The following MCTP1 variants were observed in gnomAD, a reference collection of about 807,000 sequenced individuals.
The protein encoded by MCTP1 is multiple C2 and transmembrane domain containing 1.
In MCTP1, 69 loss-of-function variants were observed where a neutral mutation model predicts 120.6. The observed-to-expected ratio is 0.57, with a 90% confidence interval of 0.47 to 0.70. The LOEUF (loss-of-function observed/expected upper bound fraction) is 0.70, where lower values mean the gene tolerates loss of function less well. Among genes scored for constraint, MCTP1 ranks in the 30% least tolerant of loss-of-function variants. The pLI is 0.00. For missense variants in MCTP1, 1,203 were observed against 1,248.8 expected, an observed-to-expected ratio of 0.96 and a Z score of 0.55; for synonymous variants, 529 against 493.1, an observed-to-expected ratio of 1.07 and a Z score of -0.96.
At chr5:94,841,390 A>T (rs1196152654) in intron 17 of MCTP1, among the ~76,000 whole-genome samples, 1 of 152,208 alleles carries the variant, frequency 6.6e-6, no homozygotes, top group East Asian at 1.9e-4. Flanking sequence ...AGCCAGCTGA[A>T]AAACAAAGCT....
intron 19 of MCTP1, among the ~76,000 whole-genome samples, chr5:94,765,930 A>G (rs1365720224): frequency 6.6e-6 from 1 of 152,132 alleles, no homozygotes; most frequent in Admixed American, 6.6e-5. Flanking sequence ...ATTATAGACA[A>G]GTATATACTA....
chr5:95,243,431 G>A lies in MCTP1; in HGVS notation c.720+40425C>T, dbSNP rs141905107. 7.2e-3 allele frequency among the ~76,000 whole-genome samples: 1,102 copies of A among 152,216 alleles called. 12 individuals are homozygous for A. Among genetic ancestry groups the A allele is most frequent in the South Asian group, 0.03 (144 of 4,818 alleles). Reference sequence around the variant, plus strand: ...TCAGCACTCTGAAAAGAGTCATCACGGAACCTGGGGAACCACAGCATGAAT... The same window carrying A: ...TCAGCACTCTGAAAAGAGTCATCACAGAACCTGGGGAACCACAGCATGAAT... On this transcript the variant is annotated intron_variant, in intron 1 of 22. Coordinates refer to ENST00000515393, the MANE Select transcript of MCTP1 (RefSeq NM_024717.7).
intron 1 of MCTP1, among the ~76,000 whole-genome samples, chr5:95,083,161 AT>A (rs1437055664): frequency 1.3e-5 from 2 of 152,126 alleles, no homozygotes; most frequent in Non-Finnish European, 2.9e-5. Context: ...TAAAATATGG[AT>A]TTTTTTGTTA....
chr5:94,959,641 C>G (rs943440960), intron 2 of MCTP1, among the ~76,000 whole-genome samples: 7 of 152,020 alleles, frequency 4.6e-5, no homozygotes, highest in African/African-American at 1.7e-4. Flanking sequence ...AAACAGAGAG[C>G]CAAATCATGA....
intron 1 of MCTP1, among the ~76,000 whole-genome samples, chr5:95,131,954 C>T (rs969955870): frequency 1.3e-5 from 2 of 152,180 alleles, no homozygotes; most frequent in African/African-American, 2.4e-5. Context: ...AATATTTAGA[C>T]TCTTTAAAGC....
chr5:95,209,979 G>A (rs1165761930), intron 1 of MCTP1, among the ~76,000 whole-genome samples: 1 of 152,190 alleles, frequency 6.6e-6, no homozygotes, highest in Non-Finnish European at 1.5e-5. Context: ...TAGTTGAGCG[G>A]TTTTGAGTGA....
chr5:94,710,527 A>G, intron 21 of MCTP1: 1 of 291,396 alleles, frequency 3.4e-6, no homozygotes, highest in Non-Finnish European at 6.3e-6. Flanking sequence ...AATGGTGAAA[A>G]TAAATCAGAG....
At chr5:94,891,349 GGGCAC>G (rs1472735406) in intron 11 of MCTP1, among the ~76,000 whole-genome samples, 1 of 152,144 alleles carries the variant, frequency 6.6e-6, no homozygotes, top group Non-Finnish European at 1.5e-5. Flanking sequence ...AGAGGTTTGT[GGGCAC>G]GTTGTGTTCC....
At chr5:94,839,606 T>C (rs1351466878) in intron 17 of MCTP1, among the ~76,000 whole-genome samples, 1 of 152,104 alleles carries the variant, frequency 6.6e-6, no homozygotes, top group Non-Finnish European at 1.5e-5. Flanking sequence ...CAAAAATAAT[T>C]CTTGCCCACA....
At chr5:95,234,669 C>T (rs1188764564) in intron 1 of MCTP1, among the ~76,000 whole-genome samples, 2 of 152,136 alleles carry the variant, frequency 1.3e-5, no homozygotes, top group Non-Finnish European at 2.9e-5. Context: ...CATTATTACA[C>T]ATTCTATAAA....
At chr5:94,858,681 G>A (rs981741506) in intron 17 of MCTP1, among the ~76,000 whole-genome samples, 3 of 151,632 alleles carry the variant, frequency 2.0e-5, no homozygotes, top group African/African-American at 7.3e-5. Flanking sequence ...ATGTTAGTAA[G>A]TCATTTTACC....
chr5:95,183,667 T>A (rs570385965), intron 1 of MCTP1, among the ~76,000 whole-genome samples: 5 of 152,058 alleles, frequency 3.3e-5, no homozygotes, highest in African/African-American at 1.2e-4. Flanking sequence ...AGCAAAATAA[T>A]TGGGCAAAGA....
intron 1 of MCTP1, among the ~76,000 whole-genome samples, chr5:95,201,840 A>T (rs1008414595): frequency 6.6e-6 from 1 of 151,396 alleles, no homozygotes; most frequent in African/African-American, 2.4e-5. Flanking sequence ...TCCCAGTTTC[A>T]CTCTTCAGAA....
intron 2 of MCTP1, among the ~76,000 whole-genome samples, chr5:94,965,610 C>T (rs572941883): frequency 6.6e-6 from 1 of 152,242 alleles, no homozygotes; most frequent in South Asian, 2.1e-4. Context: ...TTAGTCTCAA[C>T]AGGTATTTGT....
At chr5:95,118,798 T>C (rs1758001006) in intron 1 of MCTP1, among the ~76,000 whole-genome samples, 1 of 152,162 alleles carries the variant, frequency 6.6e-6, no homozygotes, top group Non-Finnish European at 1.5e-5. Context: ...AGAAAATCAC[T>C]AGATAATGAT....
At chr5:95,101,374 A>G (rs1021933778) in intron 1 of MCTP1, among the ~76,000 whole-genome samples, 4 of 152,252 alleles carry the variant, frequency 2.6e-5, no homozygotes, top group African/African-American at 7.2e-5. Context: ...TACAGGGAAG[A>G]AAACATCTTG....
intron 2 of MCTP1, among the ~76,000 whole-genome samples, chr5:95,007,548 T>C (rs1835013924): frequency 1.3e-5 from 2 of 152,212 alleles, no homozygotes; most frequent in Admixed American, 1.3e-4. Flanking sequence ...ATTCTAAGGA[T>C]AAAATTGCTG....
chr5:95,248,169 C>T (rs567896346), intron 1 of MCTP1, among the ~76,000 whole-genome samples: 35 of 152,222 alleles, frequency 2.3e-4, no homozygotes, highest in Admixed American at 2.0e-4. Flanking sequence ...GAAGTTCTGG[C>T]CAGGGCAATC....
intron 1 of MCTP1, among the ~76,000 whole-genome samples, chr5:95,166,593 G>A (rs1746401373): frequency 1.4e-5 from 2 of 138,986 alleles, no homozygotes; most frequent in South Asian, 4.5e-4. Context: ...TTTTGAGATG[G>A]AGTCTCACTC....
Sources: allele counts gnomAD v4.1 joint callset (sites outside exome capture counted in the v4.1 genomes callset), GRCh38; gene constraint gnomAD v4.1.1; transcripts MANE v1.5; gene names NCBI Gene and HGNC (gene_info 2026-07-23, HGNC 2026-07-21).